DNAJC5B: variants seen among roughly 807,000 people sequenced by gnomAD.
DNAJC5B encodes the protein dnaJ homolog subfamily C member 5B.
In DNAJC5B, 23 loss-of-function variants were observed where a neutral mutation model predicts 24.7. That is an observed-to-expected ratio of 0.93 (90% CI 0.67 to 1.32). The LOEUF (loss-of-function observed/expected upper bound fraction) is 1.32, where lower values mean the gene tolerates loss of function less well. Among genes scored for constraint, DNAJC5B ranks in the 40% most tolerant of loss-of-function variants. The pLI, the probability that DNAJC5B is intolerant of heterozygous loss-of-function variation, is 0.00. For synonymous variants in DNAJC5B, 101 were observed against 90.1 expected, an observed-to-expected ratio of 1.12 and a Z score of -0.68; for missense variants, 238 against 240.8, an observed-to-expected ratio of 0.99 and a Z score of 0.08.
intron 2 of DNAJC5B, among the ~76,000 whole-genome samples, chr8:66,046,339 G>A (rs540817107): frequency 1.3e-5 from 2 of 152,160 alleles, no homozygotes; most frequent in South Asian, 2.1e-4. Context: ...AGATCCCACT[G>A]CGCCTTCCTG....
intron 5 of DNAJC5B, among the ~76,000 whole-genome samples, chr8:66,089,962 G>T (rs1427836790): frequency 1.3e-5 from 2 of 152,082 alleles, no homozygotes; most frequent in Non-Finnish European, 2.9e-5. Context: ...GTGTCTTGGG[G>T]GAACCCTTCC....
At chr8:66,056,836 A>C (rs2128960613) in intron 3 of DNAJC5B, 1 of 152,366 alleles carries the variant, frequency 6.6e-6, no homozygotes, top group African/African-American at 2.4e-5. Flanking sequence ...CTATCTGAAA[A>C]GCATTTTAAA....
At chr8:66,028,908 C>T (rs1209079233) in intron 1 of DNAJC5B, among the ~76,000 whole-genome samples, 1 of 152,140 alleles carries the variant, frequency 6.6e-6, no homozygotes, top group Non-Finnish European at 1.5e-5. Context: ...GTTTTCAAGG[C>T]CTCTCACCTT....
chr8:66,057,706 AC>A (rs1248121860), intron 3 of DNAJC5B: 6 of 152,174 alleles, frequency 3.9e-5, no homozygotes, highest in Non-Finnish European at 8.8e-5. Context: ...ATGGCCAAAC[AC>A]CCATTTGAAT....
chr8:66,084,636 C>A (rs941833448), intron 5 of DNAJC5B, among the ~76,000 whole-genome samples: 1 of 152,084 alleles, frequency 6.6e-6, no homozygotes, highest in African/African-American at 2.4e-5. Context: ...AAAAATTCAG[C>A]CACCAAAGGA....
chr8:66,069,719 A>G (rs111394405), intron 3 of DNAJC5B, among the ~76,000 whole-genome samples: 79 of 152,336 alleles, frequency 5.2e-4, no homozygotes, highest in African/African-American at 1.8e-3. Flanking sequence ...TGAGGCCAGC[A>G]TAATGCTGAT....
intron 1 of DNAJC5B, among the ~76,000 whole-genome samples, chr8:66,027,659 T>C (rs907082909): frequency 1.3e-5 from 2 of 152,212 alleles, no homozygotes; most frequent in Admixed American, 1.3e-4. Flanking sequence ...TTTCGTCCTT[T>C]CAAGTATATT....
At chr8:66,041,042 C>A (rs541185549) in intron 1 of DNAJC5B, among the ~76,000 whole-genome samples, 1 of 151,878 alleles carries the variant, frequency 6.6e-6, no homozygotes, top group African/African-American at 2.4e-5. Flanking sequence ...GTGGTAGTGA[C>A]GGCTTTTTCA....
chr8:66,021,006 C>A (rs889721044), upstream of DNAJC5B, among the ~76,000 whole-genome samples: 1 of 152,130 alleles, frequency 6.6e-6, no homozygotes, highest in Non-Finnish European at 1.5e-5. Context: ...ACATTAGTTG[C>A]TCAGAAGTCA....
intron 1 of DNAJC5B, among the ~76,000 whole-genome samples, chr8:66,028,027 A>G (rs1806282811): frequency 6.6e-6 from 1 of 152,234 alleles, no homozygotes; most frequent in African/African-American, 2.4e-5. Context: ...GGAAACTACA[A>G]AACTATGTGA....
At position 66,099,149 on chromosome 8, in the gene DNAJC5B, A is replaced by G. The variant is rs145631815; in HGVS notation, c.506-788A>G. Among the ~76,000 whole-genome samples the G allele has an allele frequency of 1.9e-3, 293 of 152,154 alleles. 2 individuals carry two copies. The highest frequency in any genetic ancestry group is 7.0e-3 in the African/African-American group (289 of 41,532). ...TAATGATATTTTGAGGCCTAGGTTGAAGGTGAGGTCATTCACTTTTGCTAA... is the reference window on the plus strand; with the variant it reads ...TAATGATATTTTGAGGCCTAGGTTGGAGGTGAGGTCATTCACTTTTGCTAA... On this transcript the variant is annotated intron_variant, in intron 5 of 5. Transcript: ENST00000276570.
intron 1 of DNAJC5B, among the ~76,000 whole-genome samples, chr8:66,024,102 G>A (rs1806200661): frequency 6.6e-6 from 1 of 152,146 alleles, no homozygotes. Context: ...CCATTAGATT[G>A]TTTTTTAGCC....
At chr8:66,092,947 T>G (rs186789438) in intron 5 of DNAJC5B, among the ~76,000 whole-genome samples, 2,416 of 129,070 alleles carry the variant, frequency 0.019, 32 homozygotes, top group Non-Finnish European at 0.028. Flanking sequence ...CAATAGTTAC[T>G]TTTTCAACCC....
At chr8:66,020,677 G>A (rs764049099), upstream of DNAJC5B, among the ~76,000 whole-genome samples, 27 of 149,640 alleles carry the variant, frequency 1.8e-4, no homozygotes, top group South Asian at 4.2e-4. Flanking sequence ...TCATTCTGCC[G>A]TCCAGGCTGG....
intron 3 of DNAJC5B, among the ~76,000 whole-genome samples, chr8:66,070,939 C>T (rs1287423013): frequency 2.0e-5 from 3 of 152,174 alleles, no homozygotes; most frequent in African/African-American, 7.2e-5. Flanking sequence ...CTGACACAAA[C>T]AAGCAATGGG....
At chr8:66,069,776 A>G (rs1339610851) in intron 3 of DNAJC5B, among the ~76,000 whole-genome samples, 3 of 152,284 alleles carry the variant, frequency 2.0e-5, no homozygotes, top group Admixed American at 2.0e-4. Flanking sequence ...TTTCAGGCCA[A>G]TATCCCCGAT....
At chr8:66,037,600 T>A (rs1239873060) in intron 1 of DNAJC5B, among the ~76,000 whole-genome samples, 1 of 152,214 alleles carries the variant, frequency 6.6e-6, no homozygotes, top group East Asian at 1.9e-4. Flanking sequence ...GCTTTTCCAT[T>A]CTAACCTCTG....
At chr8:66,080,339 C>G (rs1459918266) in intron 4 of DNAJC5B, 38 bp from the exon 5 acceptor site, 21 of 1,591,882 alleles carry the variant, frequency 1.3e-5, no homozygotes, top group Non-Finnish European at 1.6e-5. Context: ...CACCCCATCA[C>G]CCCTCATCCT....
intron 3 of DNAJC5B, 137 bp downstream of exon 3, chr8:66,051,803 CAT>C (rs1806851817): frequency 5.9e-6 from 4 of 674,462 alleles, no homozygotes; most frequent in Non-Finnish European, 1.0e-5. Flanking sequence ...TGCTCTACAA[CAT>C]AGGAGTTAGG....
Sources: allele counts gnomAD v4.1 joint callset (sites outside exome capture counted in the v4.1 genomes callset), GRCh38; gene constraint gnomAD v4.1.1; transcripts MANE v1.5; gene names NCBI Gene and HGNC (gene_info 2026-07-23, HGNC 2026-07-21).